RUNX2: variants seen among roughly 807,000 people sequenced by gnomAD.
RUNX2 encodes the protein runt-related transcription factor 2.
A neutral mutation model predicts 51.7 loss-of-function variants in RUNX2; 10 were observed. That is an observed-to-expected ratio of 0.19 (90% CI 0.12 to 0.33). The LOEUF (loss-of-function observed/expected upper bound fraction) is 0.33. Ranked by LOEUF, RUNX2 falls within the 10% of genes least tolerant of loss-of-function variation. The probability of loss-of-function intolerance (pLI) is 1.00; values close to 1 mark genes in which losing one functional copy is unlikely to be tolerated. For synonymous variants in RUNX2, 276 were observed against 273.6 expected, an observed-to-expected ratio of 1.01 and a Z score of -0.09; for missense variants, 562 against 691.3, an observed-to-expected ratio of 0.81 and a Z score of 2.10.
At chr6:45,450,613 A>T (rs1339677503) in intron 5 of RUNX2, among the ~76,000 whole-genome samples, 1 of 152,134 alleles carries the variant, frequency 6.6e-6, no homozygotes, top group East Asian at 1.9e-4. Context: ...AGGGAACAGG[A>T]TGGAACCTAT....
At chr6:45,376,279 T>C (rs1207005968) in intron 2 of RUNX2, among the ~76,000 whole-genome samples, 1 of 152,206 alleles carries the variant, frequency 6.6e-6, no homozygotes, top group African/African-American at 2.4e-5. Context: ...CAATTCCCTA[T>C]GGCAATAAAT....
rs767984534 is a variant in RUNX2 at position 45,422,750 on chromosome 6, G to C, written c.216G>C (p.Glu72Asp). Residue 72 changes from glutamate to aspartate, a missense_variant, in exon 3 of 9, where the codon GAG (glutamate) becomes GAC (aspartate). By Grantham distance (45) the Glu-to-Asp change is conservative. Transcript: ENST00000647337. ...AGCAACAGCAGCAGCAGCAGCAGGAGGCGGCGGCGGCGGCTGCGGCGGCGG... is the reference window on the plus strand; with the variant it reads ...AGCAACAGCAGCAGCAGCAGCAGGACGCGGCGGCGGCGGCTGCGGCGGCGG... Reference protein sequence around the residue: ...QQQQQQQQQQEAAAAAAAAAA... With the variant: ...QQQQQQQQQQDAAAAAAAAAA... 1.6e-4 allele frequency: 216 copies of C among 1,332,720 alleles called. No individual in the cohort carries two copies. The highest frequency in any genetic ancestry group is 2.0e-4 in the Non-Finnish European group (200 of 985,860). 82.6% of individuals were successfully genotyped at this position (1,332,720 alleles called of 1,614,324 possible).
chr6:45,458,942 A>G lies in RUNX2; in HGVS notation c.685+20891A>G, dbSNP rs114722644. 8.3e-3 allele frequency among the ~76,000 whole-genome samples: 1,262 copies of G among 152,308 alleles called. 23 individuals carry two copies. Among genetic ancestry groups the G allele is most frequent in the African/African-American group, 0.029 (1,199 of 41,570 alleles). ...CTTGCCAACAGAAATGCGTAGCTGT[A>G]TTCTCTGTTTCTAAAACCTGACAGT... On this transcript the variant is annotated intron_variant, in intron 5 of 8. Coordinates refer to ENST00000647337, the MANE Select transcript of RUNX2 (RefSeq NM_001024630.4).
chr6:45,456,302 A>G (rs1051105611), intron 5 of RUNX2, among the ~76,000 whole-genome samples: 1 of 152,184 alleles, frequency 6.6e-6, no homozygotes, highest in Non-Finnish European at 1.5e-5. Flanking sequence ...AATTATTCAA[A>G]GGAATTGACT....
chr6:45,401,148 T>A (rs1029896204), intron 2 of RUNX2, among the ~76,000 whole-genome samples: 7 of 152,200 alleles, frequency 4.6e-5, no homozygotes, highest in Non-Finnish European at 8.8e-5. Context: ...TCCTACCCTC[T>A]CTCTTAAATT....
intron 6 of RUNX2, among the ~76,000 whole-genome samples, chr6:45,492,427 G>A (rs994640402): frequency 3.3e-5 from 5 of 152,112 alleles, no homozygotes; most frequent in African/African-American, 7.2e-5. Context: ...TATCCAGGTG[G>A]TGCAGGGGAT....
chr6:45,496,624 A>AT (rs375496533), intron 6 of RUNX2, among the ~76,000 whole-genome samples: 113 of 152,326 alleles, frequency 7.4e-4, no homozygotes, highest in Middle Eastern at 3.4e-3. Flanking sequence ...AAACTCATGC[A>AT]AAGCCTAGAT....
intron 5 of RUNX2, among the ~76,000 whole-genome samples, chr6:45,473,092 T>C (rs556335671): frequency 6.6e-6 from 1 of 152,352 alleles, no homozygotes; most frequent in South Asian, 2.1e-4. Flanking sequence ...AACTATTTAA[T>C]AGTTGTATTC....
At position 45,347,883 on chromosome 6, in the gene RUNX2, GA is replaced by G. The variant is rs200517469; in HGVS notation, c.58+19102del. On this transcript the variant is annotated intron_variant, in intron 2 of 8. Transcript: ENST00000647337. ...AATACTACATGCCTACTGAAATAAT[GA>G]AACAGAATGTCAGTATGGTTACCTG... Among the ~76,000 whole-genome samples the G allele has an allele frequency of 5.3e-3, 801 of 152,058 alleles. 5 individuals carry two copies. Among genetic ancestry groups the G allele is most frequent in the African/African-American group, 0.018 (747 of 41,514 alleles).
intron 2 of RUNX2, among the ~76,000 whole-genome samples, chr6:45,367,073 C>G (rs1795257213): frequency 6.6e-6 from 1 of 152,124 alleles, no homozygotes; most frequent in Admixed American, 6.6e-5. Context: ...AAAAAAGCTA[C>G]TACAAATCAC....
chr6:45,470,770 TC>T (rs1799776909), intron 5 of RUNX2, among the ~76,000 whole-genome samples: 1 of 152,186 alleles, frequency 6.6e-6, no homozygotes, highest in Admixed American at 6.5e-5. Flanking sequence ...CAGGCCTGTT[TC>T]CCCTTGTAAT....
intron 3 of RUNX2, among the ~76,000 whole-genome samples, chr6:45,431,455 G>A (rs1311515887): frequency 1.3e-5 from 2 of 152,152 alleles, no homozygotes; most frequent in Non-Finnish European, 2.9e-5. Flanking sequence ...CCTGTGATGG[G>A]ATAAGACCAC....
At chr6:45,401,587 C>A (rs980630551) in intron 2 of RUNX2, among the ~76,000 whole-genome samples, 1 of 152,220 alleles carries the variant, frequency 6.6e-6, no homozygotes, top group African/African-American at 2.4e-5. Context: ...CCTCACAGGG[C>A]TGCCATGAGA....
chr6:45,398,862 T>G (rs1015443237), intron 2 of RUNX2, among the ~76,000 whole-genome samples: 11 of 152,258 alleles, frequency 7.2e-5, no homozygotes, highest in African/African-American at 2.7e-4. Context: ...ATGAGGACGT[T>G]GAGACACACT....
chr6:45,414,204 T>C (rs1205415783), intron 2 of RUNX2, among the ~76,000 whole-genome samples: 7 of 152,128 alleles, frequency 4.6e-5, no homozygotes, highest in African/African-American at 7.2e-5. Flanking sequence ...AAGACCAAGA[T>C]TGTGGCTTCT....
At chr6:45,431,195 G>T (rs192625321) in intron 3 of RUNX2, among the ~76,000 whole-genome samples, 1 of 152,264 alleles carries the variant, frequency 6.6e-6, no homozygotes, top group East Asian at 1.9e-4. Context: ...GAGGCTAAGG[G>T]TATATATTGT....
chr6:45,422,682 C>A lies in RUNX2; in HGVS notation c.148C>A (p.Gln50Lys). 1 of 1,603,940 alleles carries A rather than the reference C, an allele frequency of 6.2e-7. No homozygotes were observed. ...SDVSPVVAAQ[Q>K]QQQQQQQQQQ... Reference sequence around the variant, plus strand: ...CGTGAGCCCGGTGGTGGCTGCGCAACAGCAGCAGCAACAGCAGCAGCAGCA... The same window carrying A: ...CGTGAGCCCGGTGGTGGCTGCGCAAAAGCAGCAGCAACAGCAGCAGCAGCA... Residue 50 changes from glutamine to lysine, a missense_variant, in exon 3 of 9, where the codon CAG (glutamine) becomes AAG (lysine). Gln to Lys is a moderately conservative substitution (Grantham distance 53). This residue lies in a region of RUNX2 where 153 missense variants were observed against 144.8 expected (regional missense o/e 1.06). Transcript: ENST00000647337.
chr6:45,455,832 A>G (rs1799303969), intron 5 of RUNX2, among the ~76,000 whole-genome samples: 1 of 152,240 alleles, frequency 6.6e-6, no homozygotes, highest in Admixed American at 6.5e-5. Context: ...GAATATTCTC[A>G]TGTACCTTAC....
intron 5 of RUNX2, among the ~76,000 whole-genome samples, chr6:45,456,981 A>G (rs1231155479): frequency 1.3e-5 from 2 of 152,234 alleles, no homozygotes; most frequent in Non-Finnish European, 2.9e-5. Context: ...TGTGAATTTG[A>G]AGAAAAATGT....
Sources: allele counts gnomAD v4.1 joint callset (sites outside exome capture counted in the v4.1 genomes callset), GRCh38; gene constraint gnomAD v4.1.1; regional missense constraint gnomAD v4.1.1; transcripts MANE v1.5; gene names NCBI Gene and HGNC (gene_info 2026-07-23, HGNC 2026-07-21).